The following ZNF577 variants were observed in gnomAD, a reference collection of about 807,000 sequenced individuals.
ZNF577 encodes zinc finger protein 577.
Under a neutral mutation model 13.9 loss-of-function variants are expected in ZNF577, and 14 were observed. That is an observed-to-expected ratio of 1.00 (90% CI 0.66 to 1.57). The LOEUF is 1.57. Ranked by LOEUF, ZNF577 falls within the 40% of genes most tolerant of loss-of-function variation. The pLI, the probability that ZNF577 is intolerant of heterozygous loss-of-function variation, is 0.00. For missense variants in ZNF577, 555 were observed against 579.2 expected (o/e 0.96, Z 0.43); for synonymous variants, 203 against 202.9 (o/e 1.00, Z 0.00).
chr19:51,857,419 A>G (rs889631493), intron 5 of ZNF577, among the ~76,000 whole-genome samples: 3 of 115,426 alleles, frequency 2.6e-5, no homozygotes, highest in South Asian at 7.5e-4. Flanking sequence ...AGAAAGAAAG[A>G]AAGAAAGAAA....
chr19:51,879,895 C>G (rs1302240582), intron 3 of ZNF577, among the ~76,000 whole-genome samples: 2 of 152,092 alleles, frequency 1.3e-5, no homozygotes, highest in Non-Finnish European at 2.9e-5. Flanking sequence ...TTTTTTGAAC[C>G]TGGAGTTAAG....
At chr19:51,833,840 AAC>A (rs1455108477) in intron 9 of ZNF577, among the ~76,000 whole-genome samples, 1 of 152,182 alleles carries the variant, frequency 6.6e-6, no homozygotes, top group African/African-American at 2.4e-5. Context: ...GGTTTAGATT[AAC>A]AGTTAGGGGT....
intron 9 of ZNF577, among the ~76,000 whole-genome samples, chr19:51,823,156 C>A (rs190989432): frequency 1.3e-5 from 2 of 152,250 alleles, no homozygotes; most frequent in African/African-American, 4.8e-5. Context: ...AGTCACCACG[C>A]CCGGCCTATA....
intron 3 of ZNF577, among the ~76,000 whole-genome samples, chr19:51,879,330 G>A (rs2084822705): frequency 6.6e-6 from 1 of 151,858 alleles, no homozygotes; most frequent in Admixed American, 6.6e-5. Flanking sequence ...AGCACTTTGG[G>A]AGGCTGAGGC....
At chr19:51,878,249 T>G in intron 4 of ZNF577, 140 bp downstream of exon 4, 2 of 941,492 alleles carry the variant, frequency 2.1e-6, no homozygotes. Flanking sequence ...AGACGGTAAA[T>G]TTTATGTTAT....
chr19:51,852,477 G>A (rs192931484), intron 5 of ZNF577, among the ~76,000 whole-genome samples: 53 of 152,320 alleles, frequency 3.5e-4, no homozygotes, highest in Admixed American at 7.8e-4. Context: ...CTAAACTGAA[G>A]ATGTCTTTTT....
intron 10 of ZNF577, among the ~76,000 whole-genome samples, chr19:51,810,561 T>G (rs932781260): frequency 1.3e-5 from 2 of 152,212 alleles, no homozygotes; most frequent in Non-Finnish European, 2.9e-5. Context: ...TAAGGGCCAT[T>G]ACCTAATAGC....
At position 51,887,109 on chromosome 19, in the gene ZNF577, C is replaced by G. The variant is rs1054065670; in HGVS notation, c.-507G>C. 2.0e-5 allele frequency: 3 copies of G among 152,064 alleles called. No individual in the cohort carries two copies. The highest frequency in any genetic ancestry group is 7.2e-5 in the African/African-American group (3 of 41,418). 9.4% of individuals were successfully genotyped at this position (152,064 alleles called of 1,614,324 possible). On this transcript the variant is annotated 5_prime_UTR_variant, in exon 1 of 6. The change abolishes an upstream ATG in the 5' untranslated region. Transcript: ENST00000638348. ...AAAGTATTAACTATGTAGAAATAAG[C>G]ATAACCAGAAATGTCCAAGATACGT...
At chr19:51,811,256 G>A (rs1416140532) in intron 10 of ZNF577, among the ~76,000 whole-genome samples, 1 of 141,032 alleles carries the variant, frequency 7.1e-6, no homozygotes, top group Non-Finnish European at 1.6e-5. Context: ...TGCTGCCTGT[G>A]GAAACCATGG....
At chr19:51,866,037 C>T (rs538522526), downstream of ZNF577, among the ~76,000 whole-genome samples, 6 of 152,060 alleles carry the variant, frequency 3.9e-5, no homozygotes, top group South Asian at 1.0e-3. Context: ...ATTGCTTGAA[C>T]TCGGGAGGCA....
intron 9 of ZNF577, among the ~76,000 whole-genome samples, chr19:51,832,442 GC>G (rs35857701): frequency 0.42 from 64,306 of 151,818 alleles, 13,785 homozygotes; most frequent in South Asian, 0.58. Flanking sequence ...TGCAGCCTCT[GC>G]CCCCTGGGCT....
At chr19:51,807,633 A>G (rs1014232311) in intron 10 of ZNF577, among the ~76,000 whole-genome samples, 2 of 152,238 alleles carry the variant, frequency 1.3e-5, no homozygotes, top group Non-Finnish European at 2.9e-5. Flanking sequence ...AGCCATCAGT[A>G]AAATAAGTCT....
Position 51,868,705 on chromosome 19 carries a change from G to C in ZNF577, c.*3827C>G, listed in dbSNP as rs2084605571. 8.5e-6 allele frequency among the ~76,000 whole-genome samples: 1 copy of C among 117,608 alleles called. No individual in the cohort carries two copies. Among genetic ancestry groups the C allele is most frequent in the Admixed American group, 8.0e-5 (1 of 12,532 alleles). The allele number at this position is 117,608 out of a possible 152,430, so 77.2% of individuals were successfully genotyped here. On this transcript the variant is annotated 3_prime_UTR_variant, in exon 6 of 6. Transcript: ENST00000638348. The stretch of plus-strand genomic sequence containing the variant: ...GAACACCCAGATAGAATTCACTCAT[G>C]TGTGTGGGGGAAAGAAAGATAGATC...
intron 9 of ZNF577, among the ~76,000 whole-genome samples, chr19:51,822,682 T>C (rs745673987): frequency 3.3e-5 from 5 of 152,200 alleles, no homozygotes; most frequent in Non-Finnish European, 7.4e-5. Context: ...GAATAGTCTC[T>C]GATAAGAACC....
At chr19:51,828,944 C>T (rs2084246353) in intron 9 of ZNF577, among the ~76,000 whole-genome samples, 1 of 152,136 alleles carries the variant, frequency 6.6e-6, no homozygotes, top group Non-Finnish European at 1.5e-5. Context: ...GAACAGTAGT[C>T]ACTCTTTCTC....
rs902151455 is a variant in ZNF577 at position 51,872,486 on chromosome 19, G to A, written c.*46C>T. 6.9e-6 allele frequency: 10 copies of A among 1,440,934 alleles called. No homozygotes were observed. Among genetic ancestry groups the A allele is most frequent in the African/African-American group, 2.9e-5 (2 of 70,106 alleles). 89.3% of individuals were successfully genotyped at this position (1,440,934 alleles called of 1,614,324 possible). On this transcript the variant is annotated 3_prime_UTR_variant, in exon 6 of 6. Transcript: ENST00000638348. ...TGAGCTCTCTGGGATATAATGGCTGGAGGATTCCTACTAAAGATTTTCCCA... is the reference window on the plus strand; with the variant it reads ...TGAGCTCTCTGGGATATAATGGCTGAAGGATTCCTACTAAAGATTTTCCCA...
chr19:51,829,250 G>T (rs1192308645), intron 9 of ZNF577, among the ~76,000 whole-genome samples: 1 of 152,142 alleles, frequency 6.6e-6, no homozygotes, highest in Admixed American at 6.5e-5. Context: ...GAGCTGTAAA[G>T]AGTCAGTAGC....
chr19:51,815,275 ATGT>A (rs2084127002), intron 9 of ZNF577, among the ~76,000 whole-genome samples: 1 of 151,658 alleles, frequency 6.6e-6, no homozygotes. Flanking sequence ...CTATAAAAAA[ATGT>A]TGGCTGGGTG....
downstream of ZNF577, among the ~76,000 whole-genome samples, chr19:51,864,380 T>TGCCCCTGACTCCC (rs1332122119): frequency 2.6e-5 from 4 of 152,182 alleles, no homozygotes; most frequent in Admixed American, 6.5e-5. Context: ...CACTGACTCC[T>TGCCCCTGACTCCC]GCCCCTGACT....
Sources: allele counts gnomAD v4.1 joint callset (sites outside exome capture counted in the v4.1 genomes callset), GRCh38; gene constraint gnomAD v4.1.1; transcripts MANE v1.5; gene names NCBI Gene and HGNC (gene_info 2026-07-23, HGNC 2026-07-21).